Variants in SEMA3E observed in about 807,000 individuals in gnomAD.
SEMA3E encodes the protein semaphorin 3E.
SEMA3E carries 49 observed loss-of-function variants against 93.6 expected under a neutral mutation model. That is an observed-to-expected ratio of 0.52 (90% CI 0.42 to 0.66). The LOEUF (loss-of-function observed/expected upper bound fraction) is 0.66, where lower values mean the gene tolerates loss of function less well. SEMA3E is among the 30% of genes least tolerant of loss of function. SEMA3E has a pLI of 0.00. For synonymous variants in SEMA3E, 363 were observed against 330.7 expected (o/e 1.10, Z -1.06); for missense variants, 906 against 964.8 (o/e 0.94, Z 0.81).
Position 83,591,106 on chromosome 7 carries a change from CAA to C in SEMA3E, c.115+57320_115+57321del, listed in dbSNP as rs202162169. ...ATAAACTTTATCTTAGAGTTATTTGCAAAAAAAAAAAAAAAACAAGAGGAATT... is the reference window on the plus strand; with the variant it reads ...ATAAACTTTATCTTAGAGTTATTTGCAAAAAAAAAAAAAACAAGAGGAATT... On this transcript the variant is annotated intron_variant, in intron 1 of 16. Transcript: ENST00000643230. Among the ~76,000 whole-genome samples, 26 of 114,554 alleles carry C rather than the reference CAA, an allele frequency of 2.3e-4. 1 individual carries two copies. Among genetic ancestry groups the C allele is most frequent in the Admixed American group, 3.6e-4 (4 of 11,210 alleles). 75.2% of individuals were successfully genotyped at this position (114,554 alleles called of 152,430 possible). A position where few individuals can be genotyped will look rare whatever the true frequency, so the allele number is the denominator to read the frequency against.
intron 1 of SEMA3E, among the ~76,000 whole-genome samples, chr7:83,528,381 T>A (rs928349321): frequency 2.6e-5 from 4 of 152,154 alleles, no homozygotes; most frequent in African/African-American, 9.6e-5. Flanking sequence ...GAATAGGAGC[T>A]TTGTTGGAAC....
chr7:83,645,719 TTCTC>T (rs57724559), intron 1 of SEMA3E, among the ~76,000 whole-genome samples: 71,009 of 146,280 alleles, frequency 0.49, 18,277 homozygotes, highest in East Asian at 0.71. Context: ...CCTTGTCTCC[TTCTC>T]TCTCTCTCTC....
chr7:83,388,470 C>T (rs1190975526), intron 14 of SEMA3E, among the ~76,000 whole-genome samples: 1 of 151,478 alleles, frequency 6.6e-6, no homozygotes, highest in Non-Finnish European at 1.5e-5. Context: ...AGAACTCTGG[C>T]ATACTTAATT....
At position 83,367,301 on chromosome 7, in the gene SEMA3E, T is replaced by C. The variant is rs1350633054; in HGVS notation, c.*285A>G. 1 of 320,656 alleles carries C rather than the reference T, an allele frequency of 3.1e-6. No homozygotes were observed. Among genetic ancestry groups the C allele is most frequent in the Non-Finnish European group, 5.7e-6 (1 of 174,684 alleles). 19.9% of individuals were successfully genotyped at this position (320,656 alleles called of 1,614,324 possible). A position where few individuals can be genotyped will look rare whatever the true frequency, so the allele number is the denominator to read the frequency against. On this transcript the variant is annotated 3_prime_UTR_variant, in exon 17 of 17. Transcript: ENST00000643230. ...TCTTCCAAAAGTAAAATAATAATTTTCACAGAAAAGCAGCCAAGTACTGAA... is the reference window on the plus strand; with the variant it reads ...TCTTCCAAAAGTAAAATAATAATTTCCACAGAAAAGCAGCCAAGTACTGAA...
chr7:83,629,291 A>T (rs1185937302), intron 1 of SEMA3E, among the ~76,000 whole-genome samples: 1 of 152,104 alleles, frequency 6.6e-6, no homozygotes, highest in African/African-American at 2.4e-5. Flanking sequence ...GGGATCAGGG[A>T]CCCACTTGAG....
intron 1 of SEMA3E, among the ~76,000 whole-genome samples, chr7:83,637,255 T>TA (rs1239665871): frequency 6.6e-6 from 1 of 152,160 alleles, no homozygotes; most frequent in Non-Finnish European, 1.5e-5. Context: ...CCTTAGTTTT[T>TA]ATCTAATAAT....
At chr7:83,441,195 C>G (rs1304956020) in intron 4 of SEMA3E, among the ~76,000 whole-genome samples, 1 of 152,164 alleles carries the variant, frequency 6.6e-6, no homozygotes, top group Non-Finnish European at 1.5e-5. Context: ...CAAAAGGATT[C>G]TGCTACTGAT....
At chr7:83,601,387 A>G (rs1183755996) in intron 1 of SEMA3E, among the ~76,000 whole-genome samples, 1 of 151,788 alleles carries the variant, frequency 6.6e-6, no homozygotes, top group Non-Finnish European at 1.5e-5. Context: ...TTTAAATCAC[A>G]TTTTGCCATT....
intron 4 of SEMA3E, among the ~76,000 whole-genome samples, chr7:83,431,482 T>A (rs1019100399): frequency 5.3e-5 from 8 of 152,198 alleles, no homozygotes; most frequent in African/African-American, 1.9e-4. Context: ...CTCAGCTTAC[T>A]ACAACCTCCC....
chr7:83,439,754 A>T (rs2115778877), intron 4 of SEMA3E, among the ~76,000 whole-genome samples: 1 of 152,268 alleles, frequency 6.6e-6, no homozygotes, highest in Admixed American at 6.5e-5. Context: ...AAGACACAAA[A>T]ATTAGCTTAT....
chr7:83,407,590 C>A (rs1462518428), intron 6 of SEMA3E, among the ~76,000 whole-genome samples: 1 of 152,018 alleles, frequency 6.6e-6, no homozygotes, highest in Non-Finnish European at 1.5e-5. Flanking sequence ...AATTTCCTCC[C>A]ATTGTAGGTA....
At chr7:83,429,659 G>T (rs931589266) in intron 4 of SEMA3E, among the ~76,000 whole-genome samples, 20 of 152,108 alleles carry the variant, frequency 1.3e-4, no homozygotes, top group Admixed American at 1.2e-3. Flanking sequence ...GGCAGCTCAG[G>T]CCCTTCACTG....
At chr7:83,428,818 T>C (rs1320326946) in intron 4 of SEMA3E, among the ~76,000 whole-genome samples, 1 of 152,232 alleles carries the variant, frequency 6.6e-6, no homozygotes, top group Non-Finnish European at 1.5e-5. Context: ...CATGTATTTA[T>C]CTTGTTTCAT....
chr7:83,475,768 TCA>T (rs1345844585), intron 2 of SEMA3E, among the ~76,000 whole-genome samples: 6 of 152,174 alleles, frequency 3.9e-5, no homozygotes, highest in Non-Finnish European at 8.8e-5. Context: ...CTCAGACCCT[TCA>T]CAGTTTTTGT....
At chr7:83,536,143 A>T (rs888648798) in intron 1 of SEMA3E, among the ~76,000 whole-genome samples, 2 of 152,098 alleles carry the variant, frequency 1.3e-5, no homozygotes, top group African/African-American at 4.8e-5. Flanking sequence ...TACACAGTAA[A>T]ACTAAGATTA....
chr7:83,388,084 G>T (rs1317952796), intron 14 of SEMA3E, among the ~76,000 whole-genome samples: 9 of 148,492 alleles, frequency 6.1e-5, no homozygotes, highest in Non-Finnish European at 1.5e-5. Flanking sequence ...GCCAAGACGG[G>T]TGGATCATGA....
At chr7:83,441,151 G>C (rs1481242135) in intron 4 of SEMA3E, among the ~76,000 whole-genome samples, 1 of 152,134 alleles carries the variant, frequency 6.6e-6, no homozygotes, top group East Asian at 1.9e-4. Context: ...AATAGAAAAA[G>C]AAATGGATTA....
intron 1 of SEMA3E, among the ~76,000 whole-genome samples, chr7:83,514,067 G>A (rs1477754110): frequency 6.6e-6 from 1 of 152,036 alleles, no homozygotes; most frequent in Non-Finnish European, 1.5e-5. Flanking sequence ...AACCAAGATC[G>A]CCACGAGAGT....
intron 1 of SEMA3E, among the ~76,000 whole-genome samples, chr7:83,633,482 T>A (rs1212721705): frequency 6.6e-6 from 1 of 152,204 alleles, no homozygotes; most frequent in Non-Finnish European, 1.5e-5. Context: ...GGAACCAATT[T>A]GTTTATCTTG....
Sources: gnomAD v4.1 joint callset for allele counts (sites outside exome capture counted in the v4.1 genomes callset) on GRCh38, gnomAD v4.1.1 for gene constraint, MANE v1.5 for transcripts, NCBI Gene and HGNC (gene_info 2026-07-23, HGNC 2026-07-21) for gene names.